Variants in TMEM45A observed in about 807,000 individuals in gnomAD.
TMEM45A encodes DNA polymerase-transactivated protein 4.
Under a neutral mutation model 32.0 loss-of-function variants are expected in TMEM45A, and 25 were observed. The observed-to-expected ratio is 0.78, with a 90% confidence interval of 0.57 to 1.09. The LOEUF (loss-of-function observed/expected upper bound fraction) is 1.09, where lower values mean the gene tolerates loss of function less well. Ranked by LOEUF, TMEM45A falls within the 50% of genes least tolerant of loss-of-function variation. The pLI is 0.00. For missense variants in TMEM45A, 302 were observed against 325.0 expected (o/e 0.93, Z 0.54); for synonymous variants, 122 against 114.8 (o/e 1.06, Z -0.40).
chr3:100,519,744 G>A, intron 1 of TMEM45A: 1 of 910,920 alleles, frequency 1.1e-6, no homozygotes, highest in Non-Finnish European at 1.7e-6. Context: ...ATTGTGGGTT[G>A]TGGCTGATCA....
chr3:100,510,807 C>T (rs1276059192), intron 1 of TMEM45A, among the ~76,000 whole-genome samples: 4 of 152,076 alleles, frequency 2.6e-5, no homozygotes, highest in African/African-American at 7.2e-5. Flanking sequence ...AACCAAGGCT[C>T]GAGAACTACG....
chr3:100,566,381 A>G (rs1014745637), intron 4 of TMEM45A, among the ~76,000 whole-genome samples: 1 of 152,162 alleles, frequency 6.6e-6, no homozygotes, highest in African/African-American at 2.4e-5. Context: ...AAAAAATTAG[A>G]TAGATAGATA....
At chr3:100,567,779 C>CTTCTTT (rs1261949265) in intron 4 of TMEM45A, among the ~76,000 whole-genome samples, 9 of 151,948 alleles carry the variant, frequency 5.9e-5, no homozygotes, top group South Asian at 2.1e-4. Flanking sequence ...ATGGAACTGT[C>CTTCTTT]TTCTTTTTCT....
intron 1 of TMEM45A, among the ~76,000 whole-genome samples, chr3:100,515,696 C>T (rs755820384): frequency 6.6e-6 from 1 of 150,772 alleles, no homozygotes; most frequent in African/African-American, 2.4e-5. Context: ...TTTGTAGCAA[C>T]ATTGATGGAA....
intron 1 of TMEM45A, among the ~76,000 whole-genome samples, chr3:100,539,227 G>A (rs935743476): frequency 2.0e-5 from 3 of 152,154 alleles, no homozygotes; most frequent in African/African-American, 7.2e-5. Flanking sequence ...GATCAAGAAA[G>A]TATGGTGTTG....
intron 5 of TMEM45A, among the ~76,000 whole-genome samples, chr3:100,570,376 C>T (rs4077302): frequency 0.21 from 31,834 of 152,140 alleles, 4,257 homozygotes; most frequent in African/African-American, 0.36. Flanking sequence ...GCTGAGGCAC[C>T]GGGTGAAGAA....
At chr3:100,501,501 C>G (rs1708007975) in intron 1 of TMEM45A, among the ~76,000 whole-genome samples, 1 of 152,140 alleles carries the variant, frequency 6.6e-6, no homozygotes. Flanking sequence ...TTAGAACTGG[C>G]CTCAAGCAGT....
intron 1 of TMEM45A, among the ~76,000 whole-genome samples, chr3:100,511,278 G>A (rs992952903): frequency 6.6e-6 from 1 of 152,200 alleles, no homozygotes; most frequent in African/African-American, 2.4e-5. Context: ...GGATGTCTCG[G>A]CAGAAACTCT....
At position 100,555,250 on chromosome 3, in the gene TMEM45A, CT is replaced by C. The variant is rs1452234305; in HGVS notation, c.45del (p.Phe15LeufsTer13). ...GAGGTCATGCCCTCCCTGGAACCTT[CT>C]TTTTTATTATTGGTCTTTGGTGGTG... ...FRGHALPGTFFFIIGLWWCTK... is the reference protein window; with the variant it reads ...FRGHALPGTFXFIIGLWWCTK... On this transcript the variant is annotated frameshift_variant, in exon 2 of 6. Coordinates refer to ENST00000323523, the MANE Select transcript of TMEM45A (RefSeq NM_018004.3). LOFTEE classifies it high-confidence loss of function. The C allele has an allele frequency of 6.2e-7, 1 of 1,610,852 alleles. No homozygotes were observed. The highest frequency in any genetic ancestry group is 2.2e-5 in the East Asian group (1 of 44,816).
At chr3:100,541,035 G>T (rs986990907) in intron 1 of TMEM45A, among the ~76,000 whole-genome samples, 5 of 152,082 alleles carry the variant, frequency 3.3e-5, no homozygotes, top group Non-Finnish European at 7.4e-5. Flanking sequence ...GTATGAGATG[G>T]TATCTCATTA....
At chr3:100,533,136 A>G (rs1705676654) in intron 1 of TMEM45A, among the ~76,000 whole-genome samples, 1 of 151,846 alleles carries the variant, frequency 6.6e-6, no homozygotes, top group Admixed American at 6.6e-5. Flanking sequence ...CCCTTCCTTC[A>G]CTTAGCGATG....
chr3:100,550,787 A>G (rs1430563610), intron 1 of TMEM45A, among the ~76,000 whole-genome samples: 1 of 152,182 alleles, frequency 6.6e-6, no homozygotes, highest in Non-Finnish European at 1.5e-5. Context: ...TCCCTTCTGC[A>G]TGGTGAGTGA....
chr3:100,539,508 C>CGTATA (rs1705821278), intron 1 of TMEM45A, among the ~76,000 whole-genome samples: 1 of 82,786 alleles, frequency 1.2e-5, no homozygotes, highest in Non-Finnish European at 3.0e-5. Context: ...TATACGTATA[C>CGTATA]GTATACGTAT....
intron 1 of TMEM45A, among the ~76,000 whole-genome samples, chr3:100,501,494 G>C (rs1194224124): frequency 6.6e-6 from 1 of 152,182 alleles, no homozygotes; most frequent in African/African-American, 2.4e-5. Context: ...ATGATGCTTA[G>C]AACTGGCCTC....
chr3:100,548,676 C>T (rs1408472804), intron 1 of TMEM45A, among the ~76,000 whole-genome samples: 1 of 152,172 alleles, frequency 6.6e-6, no homozygotes, highest in Non-Finnish European at 1.5e-5. Context: ...TCCTTAGGGA[C>T]ATATTTTAGC....
intron 1 of TMEM45A, among the ~76,000 whole-genome samples, chr3:100,523,433 A>G (rs1195754007): frequency 6.6e-6 from 1 of 152,230 alleles, no homozygotes; most frequent in Non-Finnish European, 1.5e-5. Flanking sequence ...TACTGGGAAT[A>G]TAAAGATTAA....
chr3:100,508,467 A>T (rs1463881959), intron 1 of TMEM45A, among the ~76,000 whole-genome samples: 3 of 152,194 alleles, frequency 2.0e-5, no homozygotes, highest in Non-Finnish European at 4.4e-5. Context: ...CAATGCTAAA[A>T]ATTGTATGGA....
At chr3:100,500,991 G>C (rs769955121) in intron 1 of TMEM45A, among the ~76,000 whole-genome samples, 2 of 151,952 alleles carry the variant, frequency 1.3e-5, no homozygotes, top group African/African-American at 2.4e-5. Flanking sequence ...AAGGTAAACT[G>C]TACTACTTGT....
At chr3:100,504,024 G>T (rs1177867225) in intron 1 of TMEM45A, among the ~76,000 whole-genome samples, 1 of 152,158 alleles carries the variant, frequency 6.6e-6, no homozygotes, top group Non-Finnish European at 1.5e-5. Flanking sequence ...AGAGGCAGAG[G>T]TGTCACTGGG....
Sources: gnomAD v4.1 joint callset for allele counts (sites outside exome capture counted in the v4.1 genomes callset) on GRCh38, gnomAD v4.1.1 for gene constraint, MANE v1.5 for transcripts, NCBI Gene and HGNC (gene_info 2026-07-23, HGNC 2026-07-21) for gene names.